The following TFAP2D variants were observed in gnomAD, a reference collection of about 807,000 sequenced individuals.
The protein encoded by TFAP2D is transcription factor AP-2-delta.
TFAP2D carries 9 observed loss-of-function variants against 43.6 expected under a neutral mutation model. The observed-to-expected ratio is 0.21, with a 90% CI of 0.12 to 0.36. TFAP2D has a LOEUF of 0.36. Among genes scored for constraint, TFAP2D ranks in the 10% least tolerant of loss-of-function variants. TFAP2D has a pLI of 1.00. For synonymous variants in TFAP2D, 256 were observed against 224.9 expected (o/e 1.14, Z -1.24); for missense variants, 513 against 561.4 (o/e 0.91, Z 0.87).
chr6:50,715,750 C>CAA (rs1491259780), intron 2 of TFAP2D, 137 bp downstream of exon 2: 3 of 612,852 alleles, frequency 4.9e-6, no homozygotes, highest in Non-Finnish European at 8.0e-6. Context: ...CTCTCTCTCT[C>CAA]ACACACACAC....
At chr6:50,762,529 C>T (rs369236908) in intron 7 of TFAP2D, among the ~76,000 whole-genome samples, 2 of 152,166 alleles carry the variant, frequency 1.3e-5, no homozygotes, top group African/African-American at 2.4e-5. Context: ...AGAGCTTCAC[C>T]TCTGAATTCA....
At chr6:50,747,088 T>C (rs1015611112) in intron 6 of TFAP2D, among the ~76,000 whole-genome samples, 1 of 152,128 alleles carries the variant, frequency 6.6e-6, no homozygotes, top group African/African-American at 2.4e-5. Flanking sequence ...AACTTGCTAG[T>C]AGAAAAGACC....
chr6:50,770,253 A>C (rs985490717), intron 7 of TFAP2D, among the ~76,000 whole-genome samples: 2 of 152,172 alleles, frequency 1.3e-5, no homozygotes, highest in African/African-American at 4.8e-5. Flanking sequence ...TCATTGTAGA[A>C]ATAGAGCTTA....
At chr6:50,763,266 G>A (rs1407634469) in intron 7 of TFAP2D, among the ~76,000 whole-genome samples, 1 of 152,100 alleles carries the variant, frequency 6.6e-6, no homozygotes, top group East Asian at 1.9e-4. Flanking sequence ...TAATTAATGT[G>A]TCCAGCAGAG....
intron 5 of TFAP2D, among the ~76,000 whole-genome samples, chr6:50,735,817 AC>A (rs1487259145): frequency 6.6e-6 from 1 of 152,168 alleles, no homozygotes; most frequent in Non-Finnish European, 1.5e-5. Flanking sequence ...GATAAGGTCT[AC>A]TAAGAAAGTT....
chr6:50,735,974 A>G (rs974204568), intron 5 of TFAP2D, among the ~76,000 whole-genome samples: 1 of 152,158 alleles, frequency 6.6e-6, no homozygotes, highest in Middle Eastern at 3.2e-3. Flanking sequence ...CTTCTCATAG[A>G]GTTTAGAACA....
chr6:50,756,872 T>C (rs947287357), intron 7 of TFAP2D, among the ~76,000 whole-genome samples: 1 of 151,966 alleles, frequency 6.6e-6, no homozygotes, highest in African/African-American at 2.4e-5. Context: ...TCAGCTCAGA[T>C]GGAAACCCAG....
In TFAP2D at chr6:50,772,963, C is replaced by A; in HGVS notation, c.*99C>A. On this transcript the variant is annotated 3_prime_UTR_variant, in exon 8 of 8. Transcript: ENST00000008391. ...GACTAATCTTCAGTGGACCAAATCT[C>A]TACCCTTCCCCAACCCTCCATAAAA... 9.0e-7 allele frequency: 1 copy of A among 1,108,986 alleles called. No individual in the cohort carries two copies. The highest frequency in any genetic ancestry group is 1.3e-6 in the Non-Finnish European group (1 of 792,580). The allele number at this position is 1,108,986 out of a possible 1,614,324, so 68.7% of individuals were successfully genotyped here.
At chr6:50,756,163 C>T (rs1581775326) in intron 7 of TFAP2D, among the ~76,000 whole-genome samples, 1 of 152,060 alleles carries the variant, frequency 6.6e-6, no homozygotes, top group East Asian at 1.9e-4. Context: ...TGTACCAGGC[C>T]GAGTGTGTCC....
At chr6:50,716,837 T>C (rs1197905366) in intron 2 of TFAP2D, among the ~76,000 whole-genome samples, 1 of 152,208 alleles carries the variant, frequency 6.6e-6, no homozygotes, top group Non-Finnish European at 1.5e-5. Flanking sequence ...AGATCCCTTG[T>C]TGCGCACAAA....
intron 1 of TFAP2D, 115 bp from the exon 2 acceptor site, chr6:50,715,001 C>T: frequency 7.1e-7 from 1 of 1,404,464 alleles, no homozygotes; most frequent in Non-Finnish European, 9.6e-7. Context: ...GTCCTACGCG[C>T]TCGCTTTCCT....
intron 5 of TFAP2D, among the ~76,000 whole-genome samples, chr6:50,741,982 C>T (rs1458777794): frequency 6.6e-6 from 1 of 152,060 alleles, no homozygotes; most frequent in Admixed American, 6.6e-5. Flanking sequence ...TTTTTATTTT[C>T]CCAAATCAGT....
chr6:50,727,403 A>G (rs1389605272), intron 3 of TFAP2D, among the ~76,000 whole-genome samples: 1 of 152,158 alleles, frequency 6.6e-6, no homozygotes, highest in Admixed American at 6.5e-5. Context: ...CAGAATTTCT[A>G]CCACCGGTAT....
chr6:50,735,320 A>G (rs1161947779), intron 5 of TFAP2D, among the ~76,000 whole-genome samples: 1 of 152,142 alleles, frequency 6.6e-6, no homozygotes, highest in African/African-American at 2.4e-5. Flanking sequence ...TTGCTGAGTT[A>G]CTTCTGAATT....
At position 50,763,858 on chromosome 6, in the gene TFAP2D, G is replaced by A. The variant is rs140173742; in HGVS notation, c.1140-8787G>A. Among the ~76,000 whole-genome samples, 776 of 152,250 alleles carry A rather than the reference G, an allele frequency of 5.1e-3. 4 individuals are homozygous for A. Among genetic ancestry groups the A allele is most frequent in the Middle Eastern group, 0.014 (4 of 292 alleles). On this transcript the variant is annotated intron_variant, in intron 7 of 7. Transcript: ENST00000008391. Reference sequence around the variant, plus strand: ...GATTGCCAGGAGCTGGGGCTTGGGAGAGTGAATTGACTGGCAAACACACGA... The same window carrying A: ...GATTGCCAGGAGCTGGGGCTTGGGAAAGTGAATTGACTGGCAAACACACGA...
At chr6:50,715,824 C>T (rs1768617444) in intron 2 of TFAP2D, among the ~76,000 whole-genome samples, 1 of 151,778 alleles carries the variant, frequency 6.6e-6, no homozygotes, top group South Asian at 2.1e-4. Context: ...GGAGTGTGCC[C>T]GTTCTCTTCC....
chr6:50,757,271 G>C (rs1227699462), intron 7 of TFAP2D, among the ~76,000 whole-genome samples: 1 of 143,356 alleles, frequency 7.0e-6, no homozygotes, highest in Non-Finnish European at 1.5e-5. Context: ...TATATATACA[G>C]AATATGTATA....
intron 6 of TFAP2D, among the ~76,000 whole-genome samples, chr6:50,750,226 T>C (rs1769181754): frequency 6.6e-6 from 1 of 151,906 alleles, no homozygotes; most frequent in Admixed American, 6.6e-5. Context: ...ATTTGACACT[T>C]CTATACCTGT....
At chr6:50,733,238 G>A (rs543909167) in intron 5 of TFAP2D, among the ~76,000 whole-genome samples, 34 of 152,060 alleles carry the variant, frequency 2.2e-4, no homozygotes, top group African/African-American at 7.2e-4. Context: ...TGAGTCCCAC[G>A]AAAGCAATAC....
Sources: gnomAD v4.1 joint callset for allele counts (sites outside exome capture counted in the v4.1 genomes callset) on GRCh38, gnomAD v4.1.1 for gene constraint, MANE v1.5 for transcripts, NCBI Gene and HGNC (gene_info 2026-07-23, HGNC 2026-07-21) for gene names.